The following PTPN13 variants were observed in gnomAD, a reference collection of about 807,000 sequenced individuals.
PTPN13 encodes protein tyrosine phosphatase non-receptor type 13.
PTPN13 carries 191 observed loss-of-function variants against 284.0 expected under a neutral mutation model. The observed-to-expected ratio is 0.67, with a 90% CI of 0.60 to 0.76. The LOEUF (loss-of-function observed/expected upper bound fraction) is 0.76, where lower values mean the gene tolerates loss of function less well. PTPN13 is among the 30% of genes least tolerant of loss of function. The probability of loss-of-function intolerance (pLI) is 0.00; values close to 1 mark genes in which losing one functional copy is unlikely to be tolerated. For synonymous variants in PTPN13, 986 were observed against 1,022.3 expected (o/e 0.96, Z 0.68); for missense variants, 2,797 against 2,939.9 (o/e 0.95, Z 1.12).
Position 86,751,107 on chromosome 4 carries a change from G to T in PTPN13, c.3149G>T (p.Gly1050Val), listed in dbSNP as rs772672515. The change falls in exon 19 of 48, where the codon GGG becomes GTG. Residue 1050 changes from glycine (G) to valine (V), a missense_variant. By Grantham distance (109) the Gly-to-Val change is moderately radical. Coordinates refer to ENST00000411767, the MANE Select transcript of PTPN13 (RefSeq NM_080683.3). ...GACTCCTCATCCATTGAAGACCCTG[G>T]GCAAGCATATGTTCTAGGTCAGCAA... Reference protein sequence around the residue: ...ESDSSSIEDPGQAYVLGMTMH... With the variant: ...ESDSSSIEDPVQAYVLGMTMH... The T allele has an allele frequency of 6.9e-6, 11 of 1,598,156 alleles. No homozygotes were observed. Among genetic ancestry groups the T allele is most frequent in the African/African-American group, 1.3e-5 (1 of 74,484 alleles).
At chr4:86,682,130 C>T (rs954407318) in intron 3 of PTPN13, among the ~76,000 whole-genome samples, 6 of 152,154 alleles carry the variant, frequency 3.9e-5, no homozygotes. Flanking sequence ...AGTTTAGTGA[C>T]TTTCAGAAAA....
intron 2 of PTPN13, among the ~76,000 whole-genome samples, chr4:86,639,736 G>A (rs537817626): frequency 4.6e-5 from 7 of 151,986 alleles, no homozygotes; most frequent in Admixed American, 6.6e-5. Context: ...GCTAAATGAC[G>A]AGTTAATGGG....
At chr4:86,611,964 C>T (rs1719942569) in intron 1 of PTPN13, among the ~76,000 whole-genome samples, 1 of 152,180 alleles carries the variant, frequency 6.6e-6, no homozygotes, top group Admixed American at 6.5e-5. Flanking sequence ...GGAATAGTGC[C>T]TGTTCCCACA....
intron 2 of PTPN13, among the ~76,000 whole-genome samples, chr4:86,638,173 A>C (rs1489989872): frequency 1.3e-5 from 2 of 152,200 alleles, no homozygotes; most frequent in African/African-American, 4.8e-5. Flanking sequence ...TCAAGGAAAT[A>C]AAAGAGGATA....
chr4:86,769,929 A>G lies in PTPN13; in HGVS notation c.4650A>G (p.Val1550=). Reference sequence around the variant, plus strand: ...CAGCAGAAAGTGGAAAAATTGATGTAGGAGATGTTATCTTGAAAGTGAATG... The same window carrying G: ...CAGCAGAAAGTGGAAAAATTGATGTGGGAGATGTTATCTTGAAAGTGAATG... ...QPAAESGKID[V]GDVILKVNGA... Residue 1550 remains valine (V), a synonymous_variant, in exon 29 of 48, where the codon GTA becomes GTG. Transcript: ENST00000411767. 6.2e-7 allele frequency: 1 copy of G among 1,613,914 alleles called. No individual in the cohort carries two copies. Among genetic ancestry groups the G allele is most frequent in the South Asian group, 1.1e-5 (1 of 91,078 alleles).
chr4:86,736,055 C>A (rs1735460025), intron 15 of PTPN13, among the ~76,000 whole-genome samples: 1 of 152,104 alleles, frequency 6.6e-6, no homozygotes, highest in African/African-American at 2.4e-5. Context: ...ACAGAAGAAA[C>A]AAATGAATTT....
chr4:86,814,609 T>C lies in PTPN13; in HGVS notation c.*58T>C. On this transcript the variant is annotated 3_prime_UTR_variant, in exon 48 of 48. Transcript: ENST00000411767. ...CTCTCCTTAACCTCCAGCAGACTCCTGCTCTCTATCCAAAATAAAGATCAC... is the reference window on the plus strand; with the variant it reads ...CTCTCCTTAACCTCCAGCAGACTCCCGCTCTCTATCCAAAATAAAGATCAC... 7.3e-7 allele frequency: 1 copy of C among 1,370,402 alleles called. No individual in the cohort carries two copies. Among genetic ancestry groups the C allele is most frequent in the Non-Finnish European group, 1.0e-6 (1 of 968,798 alleles). 84.9% of individuals were successfully genotyped at this position (1,370,402 alleles called of 1,614,324 possible).
intron 2 of PTPN13, among the ~76,000 whole-genome samples, chr4:86,636,951 AAG>A (rs940931253): frequency 9.2e-5 from 14 of 151,376 alleles, no homozygotes; most frequent in Non-Finnish European, 1.9e-4. Context: ...TAAAGAAAAA[AAG>A]AGAGAAGAAT....
chr4:86,782,240 C>T lies in PTPN13; in HGVS notation c.6002C>T (p.Thr2001Ile). The T allele has an allele frequency of 6.2e-7, 1 of 1,608,674 alleles. No homozygotes were observed. The highest frequency in any genetic ancestry group is 8.5e-7 in the Non-Finnish European group (1 of 1,175,102). ...GGGTCTTGCAGCCAGCCTGCCCTCACTCCTAATGATTCATTCTCCACGGTA... is the reference window on the plus strand; with the variant it reads ...GGGTCTTGCAGCCAGCCTGCCCTCATTCCTAATGATTCATTCTCCACGGTA... ...SVGSCSQPALTPNDSFSTVAG... is the reference protein window; with the variant it reads ...SVGSCSQPALIPNDSFSTVAG... The change falls in exon 37 of 48, where the codon ACT becomes ATT. Residue 2001 changes from threonine (T) to isoleucine (I), a missense_variant. Physicochemically the swap from Thr to Ile is moderately conservative, Grantham distance 89. Coordinates refer to ENST00000411767, the MANE Select transcript of PTPN13 (RefSeq NM_080683.3).
Position 86,796,911 on chromosome 4 carries a change from A to G in PTPN13, c.6383A>G (p.Glu2128Gly). The G allele has an allele frequency of 6.7e-7, 1 of 1,485,404 alleles. No individual in the cohort carries two copies. 92.0% of individuals were successfully genotyped at this position (1,485,404 alleles called of 1,614,324 possible). ...AATGGCTGTGAAGAATATTGTGAAG[A>G]AAAAGTAAAAAGTGAAAGGTGAGAA... ...KMNGCEEYCE[E>G]KVKSESLIQK... Residue 2128 changes from glutamate (E) to glycine (G), a missense_variant, in exon 41 of 48, where the codon GAA (glutamate) becomes GGA (glycine). Glu to Gly is a moderately conservative substitution (Grantham distance 98). Coordinates refer to ENST00000411767, the MANE Select transcript of PTPN13 (RefSeq NM_080683.3).
At chr4:86,701,000 C>G (rs1731094384) in intron 6 of PTPN13, among the ~76,000 whole-genome samples, 1 of 152,026 alleles carries the variant, frequency 6.6e-6, no homozygotes, top group Non-Finnish European at 1.5e-5. Flanking sequence ...TAATACCACT[C>G]AAAAATGTCA....
intron 7 of PTPN13, among the ~76,000 whole-genome samples, chr4:86,703,995 A>G (rs1731448913): frequency 1.3e-5 from 2 of 151,562 alleles, no homozygotes; most frequent in Admixed American, 1.3e-4. Context: ...CAACATGGAG[A>G]AACCCCGTCT....
intron 42 of PTPN13, among the ~76,000 whole-genome samples, chr4:86,801,008 A>C (rs1743969335): frequency 6.6e-6 from 1 of 152,186 alleles, no homozygotes; most frequent in Non-Finnish European, 1.5e-5. Flanking sequence ...CCTATATCTT[A>C]GCTGCATCAT....
Position 86,730,450 on chromosome 4 carries a change from G to A in PTPN13, c.1609-1950G>A, listed in dbSNP as rs572169739. Among the ~76,000 whole-genome samples, 55 of 149,882 alleles carry A rather than the reference G, an allele frequency of 3.7e-4. 3 individuals are homozygous for A. Among genetic ancestry groups the A allele is most frequent in the Non-Finnish European group, 6.7e-4 (45 of 66,678 alleles). Reference sequence around the variant, plus strand: ...GAGGAAGCAGGCCTTGCTGAGCTGCGGTGGGCTCCACCCACTTCGAGGTTC... The same window carrying A: ...GAGGAAGCAGGCCTTGCTGAGCTGCAGTGGGCTCCACCCACTTCGAGGTTC... On this transcript the variant is annotated intron_variant, in intron 10 of 47. Transcript: ENST00000411767.
At chr4:86,700,465 A>G (rs961439032) in intron 6 of PTPN13, among the ~76,000 whole-genome samples, 3 of 152,156 alleles carry the variant, frequency 2.0e-5, no homozygotes, top group African/African-American at 7.2e-5. Flanking sequence ...TTTATAGACT[A>G]CTGCCTTTTA....
chr4:86,764,815 C>G, intron 25 of PTPN13, 91 bp downstream of exon 25: 1 of 1,396,062 alleles, frequency 7.2e-7, no homozygotes. Flanking sequence ...TATTTTGCAT[C>G]AAAAGGGACA....
intron 2 of PTPN13, among the ~76,000 whole-genome samples, chr4:86,645,192 A>AAAAC (rs569877633): frequency 1.6e-4 from 24 of 152,256 alleles, no homozygotes; most frequent in South Asian, 6.2e-4. Flanking sequence ...CCCGTCTCCA[A>AAAAC]AAACAAACAA....
chr4:86,758,627 G>T (rs1423089863), intron 21 of PTPN13, 51 bp from the exon 22 acceptor site: 21 of 1,465,152 alleles, frequency 1.4e-5, no homozygotes, highest in Non-Finnish European at 1.7e-5. Context: ...CTAATCATTA[G>T]TCTTTGAAAG....
chr4:86,758,512 G>A (rs915881189), intron 21 of PTPN13, among the ~76,000 whole-genome samples, 163 bp downstream of exon 21: 1 of 152,262 alleles, frequency 6.6e-6, no homozygotes, highest in South Asian at 2.1e-4. Flanking sequence ...GTCACCAAAT[G>A]CCTAATAAGA....
Sources: allele counts gnomAD v4.1 joint callset (sites outside exome capture counted in the v4.1 genomes callset), GRCh38; gene constraint gnomAD v4.1.1; transcripts MANE v1.5; gene names NCBI Gene and HGNC (gene_info 2026-07-23, HGNC 2026-07-21).